CA7: variants seen among roughly 807,000 people sequenced by gnomAD.
CA7 encodes carbonic anhydrase 7, also known as carbonate dehydratase VII.
CA7 carries 13 observed loss-of-function variants against 31.4 expected under a neutral mutation model. The observed-to-expected ratio is 0.41, with a 90% CI of 0.27 to 0.66. CA7 has a LOEUF of 0.66. Ranked by LOEUF, CA7 falls within the 30% of genes least tolerant of loss-of-function variation. The pLI is 0.28. For synonymous variants in CA7, 128 were observed against 133.2 expected (o/e 0.96, Z 0.27); for missense variants, 215 against 351.0 (o/e 0.61, Z 3.10).
chr16:66,851,343 G>T (rs1431183410), intron 3 of CA7, 120 bp from the exon 4 acceptor site: 5 of 866,874 alleles, frequency 5.8e-6, no homozygotes, highest in African/African-American at 5.0e-5. Context: ...ATCCTTGGAG[G>T]CTTGACAGCT....
Position 66,853,811 on chromosome 16 carries a change from G to A in CA7, c.*313G>A, listed in dbSNP as rs1232040732. ...CTGGCAGTGGCAGCAGCCCCACCCC[G>A]AGCGCACACTGTGATGGAGGAGACT... On this transcript the variant is annotated 3_prime_UTR_variant, in exon 7 of 7. Transcript: ENST00000338437. The surrounding 1 kb of genome is among the most constrained non-coding windows in gnomAD (Gnocchi z 4.5). 2.1e-5 allele frequency: 7 copies of A among 340,132 alleles called. No individual in the cohort carries two copies. Among genetic ancestry groups the A allele is most frequent in the South Asian group, 1.0e-4 (2 of 19,178 alleles). The allele number at this position is 340,132 out of a possible 1,614,324, so 21.1% of individuals were successfully genotyped here. A position where few individuals can be genotyped will look rare whatever the true frequency, so the allele number is the denominator to read the frequency against.
At chr16:66,850,772 C>A in intron 3 of CA7, 113 bp downstream of exon 3, 2 of 758,456 alleles carry the variant, frequency 2.6e-6, no homozygotes, top group South Asian at 2.9e-5. Flanking sequence ...GGAAGAGGAG[C>A]ACCCGGGGCC....
chr16:66,846,997 G>A, intron 1 of CA7, 33 bp from the exon 2 acceptor site: 1 of 1,601,436 alleles, frequency 6.2e-7, no homozygotes, highest in African/African-American at 1.3e-5. Flanking sequence ...GATCCTGGCT[G>A]GCCTGAGTCC....
intron 3 of CA7, 92 bp downstream of exon 3, chr16:66,850,751 C>A: frequency 1.1e-6 from 1 of 950,806 alleles, no homozygotes. Context: ...GGGGTCGGGC[C>A]TTGGAGAGGG....
chr16:66,850,914 C>T (rs752314266), intron 3 of CA7, among the ~76,000 whole-genome samples: 11 of 152,158 alleles, frequency 7.2e-5, no homozygotes, highest in Non-Finnish European at 1.5e-4. Context: ...GCCTTGCTGA[C>T]AGCCCTTTAA....
At chr16:66,845,905 G>A (rs142420458) in intron 1 of CA7, among the ~76,000 whole-genome samples, 342 of 152,334 alleles carry the variant, frequency 2.2e-3, no homozygotes, top group African/African-American at 7.8e-3. Context: ...CAGAGGTGCC[G>A]GCATGCAGCA....
In CA7 at chr16:66,853,126, A is replaced by C. The variant is rs577594506; in HGVS notation, c.673-250A>C. 6.6e-6 allele frequency among the ~76,000 whole-genome samples: 1 copy of C among 152,086 alleles called. No individual in the cohort carries two copies. The highest frequency in any genetic ancestry group is 2.1e-4 in the South Asian group (1 of 4,832). Reference sequence around the variant, plus strand: ...TACTGTGTTGGAATCTGAATGCTACATTTGCTGATAAGTCTTAGCTAGATG... The same window carrying C: ...TACTGTGTTGGAATCTGAATGCTACCTTTGCTGATAAGTCTTAGCTAGATG... On this transcript the variant is annotated intron_variant, in intron 6 of 6. Coordinates refer to ENST00000338437, the MANE Select transcript of CA7 (RefSeq NM_005182.3). The surrounding 1 kb of genome is among the most constrained non-coding windows in gnomAD (Gnocchi z 4.5).
chr16:66,852,991 ACTAATAAATGTATAGATT>A, intron 6 of CA7, 124 bp downstream of exon 6: 1 of 831,330 alleles, frequency 1.2e-6, no homozygotes, highest in Non-Finnish European at 1.8e-6. Context: ...CCCATTTTTT[ACTAATAAATGTATAGATT>A]CTTGGTTGGG....
In CA7 at chr16:66,847,146, T is replaced by C; in HGVS notation, c.157T>C (p.Tyr53His). 6.2e-7 allele frequency: 1 copy of C among 1,614,212 alleles called. No individual in the cohort carries two copies. The highest frequency in any genetic ancestry group is 8.5e-7 in the Non-Finnish European group (1 of 1,180,020). The change falls in exon 2 of 7, where the codon TAT becomes CAT. Residue 53 changes from tyrosine (Y) to histidine (H), a missense_variant. Tyr to His is a moderately conservative substitution (Grantham distance 83). Coordinates refer to ENST00000338437, the MANE Select transcript of CA7 (RefSeq NM_005182.3). ...CAGCCTGCAACCACTGGAGCTTTCC[T>C]ATGAGGCCTGCATGTCCCTCAGCAT... Reference protein sequence around the residue: ...SPSLQPLELSYEACMSLSITN... With the variant: ...SPSLQPLELSHEACMSLSITN...
At chr16:66,844,869 C>A (rs531185411) in intron 1 of CA7, 204 of 1,061,178 alleles carry the variant, frequency 1.9e-4, no homozygotes, top group Non-Finnish European at 2.2e-4. Flanking sequence ...GTGGGGGTGG[C>A]CCAGGGCAGC....
chr16:66,851,619 T>C (rs1329602300), intron 4 of CA7, 45 bp from the exon 5 acceptor site: 3 of 1,613,162 alleles, frequency 1.9e-6, no homozygotes, highest in Non-Finnish European at 2.5e-6. Flanking sequence ...CCCCTAGTTC[T>C]AGAACACAGT....
Position 66,850,646 on chromosome 16 carries a change from C to G in CA7, c.344C>G (p.Ser115Cys). ...VGSEHTVDGK[S>C]FPSELHLVHW... is the part of the protein sequence containing the mutation. ...TCTGAGCACACGGTGGACGGCAAGT[C>G]CTTCCCCAGCGAGGTACGGGCCCTC... The change falls in exon 3 of 7, where the codon TCC (serine) becomes TGC (cysteine). Residue 115 changes from serine (S) to cysteine (C), a missense_variant. Ser to Cys is a moderately radical substitution (Grantham distance 112, BLOSUM62 -1). Transcript: ENST00000338437. The G allele has an allele frequency of 6.2e-7, 1 of 1,611,114 alleles. No individual in the cohort carries two copies. Among genetic ancestry groups the G allele is most frequent in the South Asian group, 1.1e-5 (1 of 91,024 alleles).
intron 2 of CA7, 76 bp downstream of exon 2, chr16:66,847,303 G>A: frequency 7.5e-7 from 1 of 1,334,480 alleles, no homozygotes; most frequent in Non-Finnish European, 1.1e-6. Context: ...GGCAGTCTCA[G>A]GAAGCATGCT....
At chr16:66,848,711 A>G (rs372413456) in intron 2 of CA7, among the ~76,000 whole-genome samples, 2 of 152,314 alleles carry the variant, frequency 1.3e-5, no homozygotes, top group East Asian at 1.9e-4. Context: ...ATGGCAGCAC[A>G]TTCTGTGTGT....
At position 66,852,757 on chromosome 16, in the gene CA7, C is replaced by T; in HGVS notation, c.562C>T (p.Pro188Ser). 6.2e-7 allele frequency: 1 copy of T among 1,614,034 alleles called. No homozygotes were observed. The highest frequency in any genetic ancestry group is 1.3e-5 in the African/African-American group (1 of 75,052). ...FSCFNPKCLLPASRHYWTYPG... is the reference protein window; with the variant it reads ...FSCFNPKCLLSASRHYWTYPG... The stretch of plus-strand genomic sequence containing the variant: ...CTGCTTCAACCCCAAGTGCCTCCTG[C>T]CTGCCAGCCGGCACTACTGGACCTA... The change falls in exon 6 of 7, where the codon CCT becomes TCT. Residue 188 changes from proline to serine, a missense_variant. Coordinates refer to ENST00000338437, the MANE Select transcript of CA7 (RefSeq NM_005182.3).
At chr16:66,851,801 C>A in intron 5 of CA7, 75 bp downstream of exon 5, 1 of 1,325,434 alleles carries the variant, frequency 7.5e-7, no homozygotes, top group East Asian at 2.5e-5. Flanking sequence ...TGGGCCCTTC[C>A]AGTCCTTCAT....
rs375080966 is a variant in CA7, at chr16:66,851,705, G to A, written c.495G>A (p.Ala165=). 1.1e-4 allele frequency: 177 copies of A among 1,613,920 alleles called. No individual in the cohort carries two copies. Among genetic ancestry groups the A allele is most frequent in the African/African-American group, 4.5e-4 (34 of 74,900 alleles). ...CCAGCATGAATCGTCTGACAGATGC[G>A]CTCTACATGGTCCGGTTCAAGGTAA... The part of the protein sequence containing the change: ...EHPSMNRLTD[A]LYMVRFKGTK... The change falls in exon 5 of 7, where the codon GCG becomes GCA. Residue 165 remains alanine, a synonymous_variant. Transcript: ENST00000338437.
intron 5 of CA7, among the ~76,000 whole-genome samples, 162 bp downstream of exon 5, chr16:66,851,888 G>T (rs1324113403): frequency 6.6e-6 from 1 of 152,152 alleles, no homozygotes; most frequent in Non-Finnish European, 1.5e-5. Context: ...CCTCATCGGG[G>T]TCAGCAGCCC....
At chr16:66,852,421 C>A (rs577625690) in intron 5 of CA7, among the ~76,000 whole-genome samples, 50 of 150,298 alleles carry the variant, frequency 3.3e-4, no homozygotes, top group Non-Finnish European at 5.9e-4. Flanking sequence ...CGAGATCGTG[C>A]CACTGCACTC....
Sources: gnomAD v4.1 joint callset for allele counts (sites outside exome capture counted in the v4.1 genomes callset) on GRCh38, gnomAD v4.1.1 for gene constraint, Gnocchi (gnomAD v3.1) non-coding constraint, MANE v1.5 for transcripts, NCBI Gene and HGNC (gene_info 2026-07-23, HGNC 2026-07-21) for gene names.